Variants in CPNE8 observed in about 807,000 individuals in gnomAD.
CPNE8 encodes the protein copine-8.
A neutral mutation model predicts 81.5 loss-of-function variants in CPNE8; 45 were observed. That is an observed-to-expected ratio of 0.55 (90% CI 0.44 to 0.71). The LOEUF is 0.71. Ranked by LOEUF, CPNE8 falls within the 30% of genes least tolerant of loss-of-function variation. The pLI is 0.00. For missense variants in CPNE8, 594 were observed against 672.1 expected, an observed-to-expected ratio of 0.88 and a Z score of 1.28; for synonymous variants, 252 against 226.3, an observed-to-expected ratio of 1.11 and a Z score of -1.02.
intron 11 of CPNE8, among the ~76,000 whole-genome samples, chr12:38,726,138 G>A (rs1303428480): frequency 1.3e-5 from 2 of 151,998 alleles, no homozygotes; most frequent in African/African-American, 4.8e-5. Flanking sequence ...GAGGGTTGGG[G>A]ACCCCTGGTC....
intron 6 of CPNE8, among the ~76,000 whole-genome samples, chr12:38,794,624 AACT>A (rs1180306433): frequency 1.3e-5 from 2 of 150,084 alleles, no homozygotes; most frequent in African/African-American, 5.0e-5. Flanking sequence ...CCATGAGGAT[AACT>A]ACTATTTAAA....
At chr12:38,716,546 C>A (rs752595332) in intron 13 of CPNE8, among the ~76,000 whole-genome samples, 1 of 152,026 alleles carries the variant, frequency 6.6e-6, no homozygotes, top group African/African-American at 2.4e-5. Flanking sequence ...GGGGAAAGAA[C>A]ACCCTATTCA....
chr12:38,685,987 A>C lies in CPNE8; in HGVS notation c.1144-370T>G, dbSNP rs1434668678. Among the ~76,000 whole-genome samples the C allele has an allele frequency of 2.6e-5, 4 of 152,226 alleles. No homozygotes were observed. In the East Asian group the frequency reaches 7.7e-4, roughly 29 times the overall value. The stretch of plus-strand genomic sequence containing the variant: ...ATATAGAAATCCTAAAAAGAAGAAA[A>C]CCAACGTATTAATAGTGGCTACCTC... On this transcript the variant is annotated intron_variant, in intron 15 of 19. Coordinates refer to ENST00000331366, the MANE Select transcript of CPNE8 (RefSeq NM_153634.3).
intron 3 of CPNE8, among the ~76,000 whole-genome samples, chr12:38,865,205 T>C (rs1196441620): frequency 6.6e-6 from 1 of 152,136 alleles, no homozygotes; most frequent in Non-Finnish European, 1.5e-5. Flanking sequence ...AAGTGGCAGA[T>C]GGAAAGTTAT....
chr12:38,813,099 T>C (rs1469341233), intron 6 of CPNE8, among the ~76,000 whole-genome samples: 2 of 152,174 alleles, frequency 1.3e-5, no homozygotes, highest in Admixed American at 6.6e-5. Context: ...TCAAGTGCTA[T>C]CATAAAGAGT....
At chr12:38,751,081 C>T (rs1168812065) in intron 10 of CPNE8, among the ~76,000 whole-genome samples, 1 of 152,126 alleles carries the variant, frequency 6.6e-6, no homozygotes, top group Non-Finnish European at 1.5e-5. Context: ...TATCTCTTTG[C>T]CTGCTGTCAT....
chr12:38,767,088 A>C (rs1291360196), intron 8 of CPNE8, among the ~76,000 whole-genome samples: 2 of 152,124 alleles, frequency 1.3e-5, no homozygotes, highest in Non-Finnish European at 2.9e-5. Context: ...CACAAAAAAC[A>C]AGTCAGATAT....
intron 10 of CPNE8, among the ~76,000 whole-genome samples, chr12:38,749,889 G>A (rs1261596881): frequency 6.6e-6 from 1 of 152,178 alleles, no homozygotes; most frequent in Non-Finnish European, 1.5e-5. Flanking sequence ...GCAGAAATTT[G>A]CATAAGGAAG....
chr12:38,739,276 C>G (rs1366453310), intron 10 of CPNE8, among the ~76,000 whole-genome samples: 1 of 152,004 alleles, frequency 6.6e-6, no homozygotes, highest in African/African-American at 2.4e-5. Flanking sequence ...TATAGTTCAC[C>G]TCATAAAAGA....
intron 14 of CPNE8, 59 bp from the exon 15 acceptor site, chr12:38,693,897 T>C: frequency 1.5e-6 from 2 of 1,379,030 alleles, no homozygotes; most frequent in Non-Finnish European, 2.0e-6. Flanking sequence ...TTTAACAAAA[T>C]TTTTCTTGGT....
intron 1 of CPNE8, among the ~76,000 whole-genome samples, chr12:38,887,883 T>C (rs1331971610): frequency 6.6e-6 from 1 of 152,168 alleles, no homozygotes; most frequent in Non-Finnish European, 1.5e-5. Context: ...TCTCAGTCTC[T>C]CCTCCTGCCC....
At chr12:38,755,325 C>A (rs1941434012) in intron 10 of CPNE8, among the ~76,000 whole-genome samples, 1 of 152,190 alleles carries the variant, frequency 6.6e-6, no homozygotes, top group Non-Finnish European at 1.5e-5. Context: ...ATCAAAGCAT[C>A]ATTTTTCTGG....
In CPNE8 at chr12:38,846,879, A is replaced by G. The variant is rs1206618054; in HGVS notation, c.290+1680T>C. 3.3e-5 allele frequency among the ~76,000 whole-genome samples: 5 copies of G among 152,164 alleles called. No homozygotes were observed. The East Asian group carries it at 9.6e-4, about 29-fold the overall frequency. On this transcript the variant is annotated intron_variant, in intron 4 of 19. Coordinates refer to ENST00000331366, the MANE Select transcript of CPNE8 (RefSeq NM_153634.3). ...AAATGGAACCAGCCAAATGCCCATC[A>G]GTAAGTGTTTGGTTAAATAAATTAC...
chr12:38,657,793 ACCTG>A (rs1257405709), intron 19 of CPNE8, among the ~76,000 whole-genome samples: 5 of 152,168 alleles, frequency 3.3e-5, no homozygotes, highest in Admixed American at 6.5e-5. Context: ...ACTCTAAAAG[ACCTG>A]CAGCTGAGGG....
chr12:38,676,431 G>T (rs962196466), intron 17 of CPNE8: 26 of 328,004 alleles, frequency 7.9e-5, no homozygotes, highest in Non-Finnish European at 1.1e-4. Context: ...CTCTTTTCAT[G>T]TTCTTTCTCC....
intron 3 of CPNE8, among the ~76,000 whole-genome samples, chr12:38,869,548 G>A (rs1273620493): frequency 6.6e-6 from 1 of 152,140 alleles, no homozygotes; most frequent in African/African-American, 2.4e-5. Flanking sequence ...AACACACACA[G>A]TGTCATTCAT....
chr12:38,821,226 TTC>T (rs1291429665), intron 6 of CPNE8, among the ~76,000 whole-genome samples: 1 of 152,246 alleles, frequency 6.6e-6, no homozygotes, highest in African/African-American at 2.4e-5. Context: ...TGCATGATTA[TTC>T]ATTTAATGAA....
chr12:38,714,156 G>A (rs59914796), intron 13 of CPNE8, among the ~76,000 whole-genome samples: 7,708 of 152,058 alleles, frequency 0.051, 444 homozygotes, highest in East Asian at 0.32. Flanking sequence ...AGCTGCTGGG[G>A]ATATGGAAGT....
chr12:38,722,729 T>C (rs1376563943), intron 13 of CPNE8, among the ~76,000 whole-genome samples: 1 of 152,200 alleles, frequency 6.6e-6, no homozygotes, highest in Admixed American at 6.5e-5. Context: ...AACCAATGCT[T>C]TTTTTAAATC....
Sources: gnomAD v4.1 joint callset for allele counts (sites outside exome capture counted in the v4.1 genomes callset) on GRCh38, gnomAD v4.1.1 for gene constraint, MANE v1.5 for transcripts, NCBI Gene and HGNC (gene_info 2026-07-23, HGNC 2026-07-21) for gene names.